CSMD1: variants seen among roughly 807,000 people sequenced by gnomAD.
The protein encoded by CSMD1 is CUB and sushi domain-containing protein 1.
A neutral mutation model predicts 417.5 loss-of-function variants in CSMD1; 213 were observed. The ratio of observed to expected loss-of-function variants is 0.51; its 90% CI spans 0.46 to 0.57. The LOEUF is 0.57. Among genes scored for constraint, CSMD1 ranks in the 20% least tolerant of loss-of-function variants. The pLI is 0.00. For missense variants in CSMD1, 6,923 were observed against 4,529.7 expected (o/e 1.53, Z -15.17); for synonymous variants, 2,862 against 1,736.8 (o/e 1.65, Z -16.11).
intron 5 of CSMD1, among the ~76,000 whole-genome samples, chr8:3,896,596 C>A (rs944683582): frequency 6.6e-6 from 1 of 152,026 alleles, no homozygotes; most frequent in African/African-American, 2.4e-5. Flanking sequence ...ACCGCAAGCT[C>A]TGCCTCCCAG....
intron 5 of CSMD1, among the ~76,000 whole-genome samples, chr8:3,792,419 G>C (rs972533138): frequency 6.6e-6 from 1 of 152,082 alleles, no homozygotes; most frequent in Non-Finnish European, 1.5e-5. Context: ...TATATATTTG[G>C]TTATAAAAAC....
At chr8:4,691,413 A>T (rs186955420) in intron 1 of CSMD1, among the ~76,000 whole-genome samples, 221 of 152,284 alleles carry the variant, frequency 1.5e-3, no homozygotes, top group African/African-American at 5.1e-3. Flanking sequence ...CTTGCAACAT[A>T]TTGAGTAATT....
intron 5 of CSMD1, among the ~76,000 whole-genome samples, chr8:3,992,883 G>T (rs528830613): frequency 6.6e-6 from 1 of 152,368 alleles, no homozygotes; most frequent in African/African-American, 2.4e-5. Context: ...CATAAACGAT[G>T]TCACTGCTTT....
chr8:2,988,239 C>T (rs4876057), intron 54 of CSMD1, among the ~76,000 whole-genome samples: 7,603 of 152,126 alleles, frequency 0.05, 211 homozygotes, highest in East Asian at 0.087. Context: ...TCTACCCTAA[C>T]AGAACATTCA....
Position 4,614,650 on chromosome 8 carries a change from C to G in CSMD1, c.302+22692G>C, listed in dbSNP as rs745514298. On this transcript the variant is annotated intron_variant, in intron 2 of 69. Coordinates refer to ENST00000635120, the MANE Select transcript of CSMD1 (RefSeq NM_033225.6). ...ACGTACACGTACACACACATACAAA[C>G]GTGCGCACACACACAAACGCACACA... Among the ~76,000 whole-genome samples, 4 of 152,154 alleles carry G rather than the reference C, an allele frequency of 2.6e-5. No homozygotes were observed. The Middle Eastern group carries it at 0.01, about 388-fold the overall frequency.
At chr8:3,938,085 G>C (rs968068134) in intron 5 of CSMD1, among the ~76,000 whole-genome samples, 1 of 152,090 alleles carries the variant, frequency 6.6e-6, no homozygotes, top group South Asian at 2.1e-4. Context: ...ACAGGATCGT[G>C]TAGTAGAAAT....
At chr8:4,473,803 C>A (rs566789691) in intron 2 of CSMD1, among the ~76,000 whole-genome samples, 1 of 151,992 alleles carries the variant, frequency 6.6e-6, no homozygotes, top group East Asian at 1.9e-4. Context: ...TATAAAATGA[C>A]AGAAAAATAG....
intron 7 of CSMD1, among the ~76,000 whole-genome samples, chr8:3,628,923 A>G (rs1796630282): frequency 6.6e-6 from 1 of 152,130 alleles, no homozygotes; most frequent in Admixed American, 6.5e-5. Context: ...TAAGAGAAGG[A>G]ATAAAAAGAG....
intron 3 of CSMD1, among the ~76,000 whole-genome samples, chr8:4,167,120 C>T (rs951680770): frequency 6.6e-6 from 1 of 152,144 alleles, no homozygotes; most frequent in Non-Finnish European, 1.5e-5. Flanking sequence ...CCCATATAAA[C>T]CCAAGATGTT....
At chr8:4,647,218 G>A (rs117330820) in intron 1 of CSMD1, among the ~76,000 whole-genome samples, 6,211 of 150,974 alleles carry the variant, frequency 0.041, 161 homozygotes, top group South Asian at 0.095. Flanking sequence ...TGTTTCGGGC[G>A]CCAGTTTGCT....
At chr8:3,709,310 G>A (rs930459288) in intron 6 of CSMD1, among the ~76,000 whole-genome samples, 1 of 152,142 alleles carries the variant, frequency 6.6e-6, no homozygotes, top group Non-Finnish European at 1.5e-5. Flanking sequence ...TGGACCTACA[G>A]CAGCTGCGAG....
At chr8:3,976,692 T>C (rs1813461282) in intron 5 of CSMD1, among the ~76,000 whole-genome samples, 1 of 152,210 alleles carries the variant, frequency 6.6e-6, no homozygotes, top group South Asian at 2.1e-4. Context: ...TAAGATATTT[T>C]ACTTATGAAC....
intron 39 of CSMD1, among the ~76,000 whole-genome samples, chr8:3,154,688 G>C (rs772170922): frequency 9.2e-5 from 14 of 152,132 alleles, no homozygotes; most frequent in African/African-American, 3.4e-4. Flanking sequence ...AGAAAACTGC[G>C]AGACCATTCT....
At chr8:4,053,543 T>C (rs1186788622) in intron 3 of CSMD1, among the ~76,000 whole-genome samples, 1 of 152,078 alleles carries the variant, frequency 6.6e-6, no homozygotes, top group Non-Finnish European at 1.5e-5. Context: ...TCTCAAGTGG[T>C]TTTCTCTGAC....
chr8:2,951,194 G>A lies in CSMD1; in HGVS notation c.10121C>T (p.Thr3374Ile), dbSNP rs1272837494. The A allele has an allele frequency of 6.2e-7, 1 of 1,613,552 alleles. No individual in the cohort carries two copies. The highest frequency in any genetic ancestry group is 1.7e-5 in the Admixed American group (1 of 59,960). Residue 3374 changes from threonine to isoleucine, a missense_variant, in exon 66 of 70, where the codon ACT (threonine) becomes ATT (isoleucine). By Grantham distance (89) the Thr-to-Ile change is moderately conservative. Transcript: ENST00000635120. ...GCTTGTTGCATTGAACCAGTCAACA[G>A]TTAGAGTGGCGGGTTGTCTTTTCCC... ...YLGKRQPATL[T>I]VDWFNATSSK...
At chr8:4,264,203 A>C (rs1049162650) in intron 3 of CSMD1, among the ~76,000 whole-genome samples, 4 of 152,192 alleles carry the variant, frequency 2.6e-5, no homozygotes, top group African/African-American at 9.7e-5. Flanking sequence ...ATGATTACCA[A>C]CGTGACTACA....
At chr8:4,384,809 C>G (rs913902621) in intron 3 of CSMD1, among the ~76,000 whole-genome samples, 8 of 152,176 alleles carry the variant, frequency 5.3e-5, no homozygotes, top group African/African-American at 1.9e-4. Context: ...TACAGAACAT[C>G]AAAATTATGC....
intron 12 of CSMD1, among the ~76,000 whole-genome samples, chr8:3,451,928 T>C (rs954178197): frequency 1.9e-4 from 29 of 152,316 alleles, no homozygotes; most frequent in Middle Eastern, 3.4e-3. Context: ...TTTCACGACA[T>C]TGATTCTTCC....
intron 2 of CSMD1, among the ~76,000 whole-genome samples, chr8:4,615,011 G>C (rs1165649453): frequency 6.6e-6 from 1 of 152,114 alleles, no homozygotes; most frequent in Admixed American, 6.6e-5. Flanking sequence ...ATCAGAATTG[G>C]TGGACGCTAA....
Sources: allele counts gnomAD v4.1 joint callset (sites outside exome capture counted in the v4.1 genomes callset), GRCh38; gene constraint gnomAD v4.1.1; transcripts MANE v1.5; gene names NCBI Gene and HGNC (gene_info 2026-07-23, HGNC 2026-07-21).